OPRM1: variants seen among roughly 807,000 people sequenced by gnomAD.
OPRM1 encodes opioid receptor mu 1.
In OPRM1, 27 loss-of-function variants were observed where a neutral mutation model predicts 31.8. That is an observed-to-expected ratio of 0.85 (90% CI 0.63 to 1.17). The LOEUF (loss-of-function observed/expected upper bound fraction) is 1.17. Among genes scored for constraint, OPRM1 ranks in the 50% most tolerant of loss-of-function variants. The pLI is 0.00. For synonymous variants in OPRM1, 196 were observed against 189.9 expected (o/e 1.03, Z -0.26); for missense variants, 536 against 511.1 (o/e 1.05, Z -0.47).
rs528700653 is a variant in OPRM1 at position 154,212,894 on chromosome 6, T to C, written c.1165-33799T>C. The C allele has an allele frequency of 2.1e-4, 286 of 1,346,020 alleles. 4 individuals are homozygous for C. In the South Asian group the frequency reaches 3.2e-3, roughly 15 times the overall value. The allele number at this position is 1,346,020 out of a possible 1,614,324, so 83.4% of individuals were successfully genotyped here. A position where few individuals can be genotyped will look rare whatever the true frequency, so the allele number is the denominator to read the frequency against. On this transcript the variant is annotated intron_variant, in intron 3 of 3. Transcript: ENST00000337049. ...GAAAATGCTTAATGTTTTAACGCTG[T>C]CATCGCTTATTCCATAATGCATGAG... is the stretch of plus-strand genomic sequence containing the variant.
chr6:154,135,369 T>C (rs1798030307), downstream of OPRM1, among the ~76,000 whole-genome samples: 1 of 152,042 alleles, frequency 6.6e-6, no homozygotes, highest in South Asian at 2.1e-4. Context: ...CTCGGGAGGC[T>C]GAGGCAGGGA....
intron 3 of OPRM1, among the ~76,000 whole-genome samples, chr6:154,202,956 G>A (rs1777192815): frequency 6.6e-6 from 1 of 152,292 alleles, no homozygotes; most frequent in South Asian, 2.1e-4. Context: ...GTTTTCATTG[G>A]AAAAGAGATT....
At chr6:154,118,212 G>GA (rs933948131) in intron 3 of OPRM1, among the ~76,000 whole-genome samples, 5 of 151,836 alleles carry the variant, frequency 3.3e-5, no homozygotes, top group African/African-American at 4.8e-5. Flanking sequence ...TCAGTTACAG[G>GA]AAAAAAATCA....
intron 3 of OPRM1, among the ~76,000 whole-genome samples, chr6:154,221,646 G>C (rs1305248485): frequency 1.3e-5 from 2 of 151,220 alleles, no homozygotes; most frequent in Non-Finnish European, 1.5e-5. Flanking sequence ...GGCCGAGGCG[G>C]GCAGATCACG....
At chr6:154,029,447 A>G (rs1778883788) in intron 1 of OPRM1, among the ~76,000 whole-genome samples, 1 of 152,226 alleles carries the variant, frequency 6.6e-6, no homozygotes, top group Non-Finnish European at 1.5e-5. Context: ...ATTCACATAC[A>G]CTAAAGCTGA....
At position 154,072,531 on chromosome 6, in the gene OPRM1, A is replaced by G. The variant is rs377375469; in HGVS notation, c.291-17295A>G. Among the ~76,000 whole-genome samples the G allele has an allele frequency of 1.1e-4, 17 of 152,376 alleles. No homozygotes were observed. The South Asian group carries it at 2.3e-3, about 20-fold the overall frequency. On this transcript the variant is annotated intron_variant, in intron 1 of 3. Transcript: ENST00000330432. ...CAATCTTTCATTTTCAAGATAGCTA[A>G]TTGAGAACAAGCATGAGACTCCACT... is the stretch of plus-strand genomic sequence containing the variant.
chr6:154,100,300 A>ATATTATGACATATATAATAATATAT (rs1562473045), intron 3 of OPRM1, among the ~76,000 whole-genome samples: 1 of 146,512 alleles, frequency 6.8e-6, no homozygotes, highest in African/African-American at 2.5e-5. Context: ...AATATATATC[A>ATATTATGACATATATAATAATATAT]AAAAGTCACA....
chr6:154,231,876 A>G (rs1233158674), intron 3 of OPRM1, among the ~76,000 whole-genome samples: 1 of 152,242 alleles, frequency 6.6e-6, no homozygotes, highest in Non-Finnish European at 1.5e-5. Flanking sequence ...CTCGAAATTA[A>G]AAACAAATAG....
intron 3 of OPRM1, among the ~76,000 whole-genome samples, chr6:154,242,054 A>G (rs569114275): frequency 3.6e-4 from 55 of 152,348 alleles, no homozygotes; most frequent in African/African-American, 1.0e-3. Context: ...CCCTTGAAAA[A>G]TGGGAATAAT....
intron 3 of OPRM1, among the ~76,000 whole-genome samples, chr6:154,174,638 T>G (rs999893546): frequency 6.6e-6 from 1 of 152,176 alleles, no homozygotes; most frequent in African/African-American, 2.4e-5. Flanking sequence ...TAAATATATA[T>G]GCACCCAATA....
At chr6:154,162,265 CAT>C (rs373702676) in intron 3 of OPRM1, among the ~76,000 whole-genome samples, 7 of 152,336 alleles carry the variant, frequency 4.6e-5, no homozygotes, top group East Asian at 1.9e-4. Flanking sequence ...CACTGGTACA[CAT>C]GTTTGCTGTT....
intron 3 of OPRM1, among the ~76,000 whole-genome samples, chr6:154,169,776 C>G (rs957641365): frequency 1.3e-5 from 2 of 152,220 alleles, no homozygotes; most frequent in Admixed American, 1.3e-4. Flanking sequence ...AATGGCAGTT[C>G]CACCATTCTG....
intron 1 of OPRM1, among the ~76,000 whole-genome samples, chr6:154,083,012 A>G (rs1429993976): frequency 6.6e-6 from 1 of 152,228 alleles, no homozygotes; most frequent in East Asian, 1.9e-4. Context: ...TCATTTTTAT[A>G]TAAACTTCTG....
intron 1 of OPRM1, among the ~76,000 whole-genome samples, chr6:154,060,478 AC>A (rs1784177159): frequency 6.6e-6 from 1 of 152,162 alleles, no homozygotes; most frequent in Non-Finnish European, 1.5e-5. Flanking sequence ...AGTCCATTCA[AC>A]TCCCATGCCA....
intron 1 of OPRM1, among the ~76,000 whole-genome samples, chr6:154,056,049 T>TG (rs1380041061): frequency 6.6e-6 from 1 of 152,258 alleles, no homozygotes; most frequent in African/African-American, 2.4e-5. Context: ...TCCTGACCCC[T>TG]GTTGAGTCTG....
intron 3 of OPRM1, chr6:154,107,328 G>A (rs954608842): frequency 3.6e-5 from 22 of 614,768 alleles, no homozygotes; most frequent in African/African-American, 1.1e-4. Context: ...CCAAAAGGCC[G>A]GTATTTCTGG....
intron 3 of OPRM1, among the ~76,000 whole-genome samples, chr6:154,235,235 A>T (rs1780021466): frequency 6.6e-6 from 1 of 152,214 alleles, no homozygotes; most frequent in Non-Finnish European, 1.5e-5. Context: ...AATATTAGAG[A>T]TTTAGAAGTA....
At chr6:154,219,827 G>T (rs1443759486) in intron 3 of OPRM1, among the ~76,000 whole-genome samples, 2 of 152,152 alleles carry the variant, frequency 1.3e-5, no homozygotes, top group Admixed American at 1.3e-4. Flanking sequence ...AGACTCAACT[G>T]TCCGTTCCTT....
In OPRM1 at chr6:154,242,606, GC is replaced by G. The variant is rs561964778; in HGVS notation, c.1165-4085del. On this transcript the variant is annotated intron_variant, in intron 3 of 3. Transcript: ENST00000337049. ...AAGCATGATAGTAAGAAAAGTATAG[GC>G]CAAGTGCGGTGGCTCACATCTGTAA... Among the ~76,000 whole-genome samples the G allele has an allele frequency of 4.6e-5, 7 of 152,272 alleles. No homozygotes were observed. The East Asian group carries it at 1.2e-3, about 25-fold the overall frequency.
Sources: gnomAD v4.1 joint callset for allele counts (sites outside exome capture counted in the v4.1 genomes callset) on GRCh38, gnomAD v4.1.1 for gene constraint, MANE v1.5 for transcripts, NCBI Gene and HGNC (gene_info 2026-07-23, HGNC 2026-07-21) for gene names.